Variants in VAV3 observed in about 807,000 individuals in gnomAD.
The protein encoded by VAV3 is vav guanine nucleotide exchange factor 3, also known as guanine nucleotide exchange factor VAV3.
A neutral mutation model predicts 131.2 loss-of-function variants in VAV3; 94 were observed. That is an observed-to-expected ratio of 0.72 (90% confidence interval 0.61 to 0.85). The LOEUF (loss-of-function observed/expected upper bound fraction) is 0.85, where lower values mean the gene tolerates loss of function less well. Ranked by LOEUF, VAV3 falls within the 40% of genes least tolerant of loss-of-function variation. The probability of loss-of-function intolerance (pLI) is 0.00; values close to 1 mark genes in which losing one functional copy is unlikely to be tolerated. For missense variants in VAV3, 939 were observed against 1,002.7 expected (o/e 0.94, Z 0.86); for synonymous variants, 349 against 342.0 (o/e 1.02, Z -0.22).
chr1:107,770,020 C>T (rs1238249627), intron 6 of VAV3, among the ~76,000 whole-genome samples: 3 of 152,176 alleles, frequency 2.0e-5, no homozygotes, highest in South Asian at 4.1e-4. Context: ...GCTCACAACC[C>T]TTCCCAATGT....
chr1:107,800,775 TCTTCA>T (rs1368954044), intron 2 of VAV3, among the ~76,000 whole-genome samples: 2 of 152,232 alleles, frequency 1.3e-5, no homozygotes, highest in Non-Finnish European at 2.9e-5. Context: ...GTGAGTTGTC[TCTTCA>T]CTTTGTTGAT....
At chr1:107,624,179 G>C (rs1005065297) in intron 20 of VAV3, among the ~76,000 whole-genome samples, 2 of 152,242 alleles carry the variant, frequency 1.3e-5, no homozygotes, top group Admixed American at 6.5e-5. Flanking sequence ...ATAAGCTGTA[G>C]ATTTGAGATG....
chr1:107,625,010 T>C (rs1653906091), intron 20 of VAV3, among the ~76,000 whole-genome samples: 2 of 152,094 alleles, frequency 1.3e-5, no homozygotes, highest in South Asian at 2.1e-4. Context: ...GGAGCCTGGG[T>C]TTTATTTTTG....
At chr1:107,791,384 CAA>C (rs11358290) in intron 2 of VAV3, among the ~76,000 whole-genome samples, 3,148 of 145,262 alleles carry the variant, frequency 0.022, 96 homozygotes, top group African/African-American at 0.068. Context: ...TTGGTGATAT[CAA>C]AAAAAAAAAA....
intron 15 of VAV3, among the ~76,000 whole-genome samples, chr1:107,721,872 C>A (rs974706806): frequency 2.0e-5 from 3 of 152,212 alleles, no homozygotes; most frequent in Non-Finnish European, 4.4e-5. Context: ...CTTCACCTTA[C>A]AATATGGGGT....
chr1:107,693,772 A>G (rs1160150342), intron 17 of VAV3, among the ~76,000 whole-genome samples: 1 of 152,184 alleles, frequency 6.6e-6, no homozygotes, highest in Non-Finnish European at 1.5e-5. Context: ...AAAAGATGAG[A>G]AACATATTCC....
At chr1:107,860,333 T>C (rs1448043917) in intron 2 of VAV3, among the ~76,000 whole-genome samples, 2 of 152,256 alleles carry the variant, frequency 1.3e-5, no homozygotes, top group African/African-American at 4.8e-5. Context: ...TTTTCAATAG[T>C]AGATATATGA....
At chr1:107,840,353 G>A (rs971353541) in intron 2 of VAV3, among the ~76,000 whole-genome samples, 13 of 151,890 alleles carry the variant, frequency 8.6e-5, no homozygotes, top group Admixed American at 6.6e-4. Flanking sequence ...TTAAAGTTGT[G>A]CAAAGACCTT....
At chr1:107,931,274 C>T (rs1351161585) in intron 1 of VAV3, among the ~76,000 whole-genome samples, 1 of 152,084 alleles carries the variant, frequency 6.6e-6, no homozygotes, top group African/African-American at 2.4e-5. Flanking sequence ...TTTAAAGATG[C>T]ATATCAAAGC....
intron 1 of VAV3, among the ~76,000 whole-genome samples, chr1:107,912,752 AG>A (rs1442723062): frequency 1.3e-5 from 2 of 152,242 alleles, no homozygotes; most frequent in Non-Finnish European, 2.9e-5. Flanking sequence ...CTGGAACAGC[AG>A]GTGCACTACT....
chr1:107,717,965 T>G (rs924499160), intron 15 of VAV3, among the ~76,000 whole-genome samples: 1 of 152,184 alleles, frequency 6.6e-6, no homozygotes, highest in Non-Finnish European at 1.5e-5. Context: ...GCTCTTCTTG[T>G]TGAATTGATC....
intron 2 of VAV3, among the ~76,000 whole-genome samples, chr1:107,805,683 G>A (rs1316436563): frequency 6.6e-6 from 1 of 152,122 alleles, no homozygotes; most frequent in Non-Finnish European, 1.5e-5. Context: ...TTGTCCATTT[G>A]GGGAGGTCAT....
intron 17 of VAV3, among the ~76,000 whole-genome samples, chr1:107,698,577 G>A (rs1659888905): frequency 6.6e-6 from 1 of 152,210 alleles, no homozygotes; most frequent in Non-Finnish European, 1.5e-5. Flanking sequence ...AGGAGCAGCT[G>A]TACTGAGAAC....
chr1:107,756,660 G>A (rs7542753), intron 11 of VAV3, among the ~76,000 whole-genome samples: 3,598 of 151,778 alleles, frequency 0.024, 67 homozygotes, highest in African/African-American at 0.055. Context: ...ACATAATGTG[G>A]AAACTGAGGT....
chr1:107,874,023 C>T (rs1670370728), intron 2 of VAV3, among the ~76,000 whole-genome samples: 1 of 152,174 alleles, frequency 6.6e-6, no homozygotes, highest in Admixed American at 6.6e-5. Flanking sequence ...AATGTATACT[C>T]TCAAACAGCC....
At chr1:107,949,319 T>A (rs1383874221) in intron 1 of VAV3, among the ~76,000 whole-genome samples, 1 of 152,096 alleles carries the variant, frequency 6.6e-6, no homozygotes, top group Admixed American at 6.6e-5. Flanking sequence ...TTTGTTTGTT[T>A]GTTTGTTTTG....
chr1:107,648,198 C>T (rs377112758), intron 19 of VAV3, among the ~76,000 whole-genome samples: 23 of 152,110 alleles, frequency 1.5e-4, no homozygotes, highest in East Asian at 1.4e-3. Flanking sequence ...ATGGAAATAG[C>T]ACTGTCACAG....
At chr1:107,724,162 T>C (rs1344877994) in intron 15 of VAV3, among the ~76,000 whole-genome samples, 1 of 152,110 alleles carries the variant, frequency 6.6e-6, no homozygotes, top group Non-Finnish European at 1.5e-5. Flanking sequence ...TCATCATAAG[T>C]AAAGAAACCC....
At chr1:107,624,712 C>T (rs932619074) in intron 20 of VAV3, among the ~76,000 whole-genome samples, 4 of 152,156 alleles carry the variant, frequency 2.6e-5, no homozygotes, top group Admixed American at 2.0e-4. Context: ...ACCATAAACA[C>T]TAAATGCTCA....
Sources: allele counts gnomAD v4.1 joint callset (sites outside exome capture counted in the v4.1 genomes callset), GRCh38; gene constraint gnomAD v4.1.1; transcripts MANE v1.5; gene names NCBI Gene and HGNC (gene_info 2026-07-23, HGNC 2026-07-21).